Variants in CDH17 observed in about 807,000 individuals in gnomAD.
CDH17 encodes the protein cadherin-17.
Under a neutral mutation model 86.3 loss-of-function variants are expected in CDH17, and 67 were observed. That is an observed-to-expected ratio of 0.78 (90% CI 0.64 to 0.95). The LOEUF is 0.95. CDH17 is among the 40% of genes least tolerant of loss of function. The pLI is 0.00. For missense variants in CDH17, 993 were observed against 1,017.6 expected (o/e 0.98, Z 0.33); for synonymous variants, 367 against 366.4 (o/e 1.00, Z -0.02).
chr8:94,170,826 G>C, intron 8 of CDH17, 28 bp downstream of exon 8: 1 of 1,606,318 alleles, frequency 6.2e-7, no homozygotes, highest in Non-Finnish European at 8.5e-7. Context: ...TTGTCTTGTC[G>C]CCTGTGAAAC....
chr8:94,168,096 G>GAA (rs1215741282), intron 9 of CDH17, among the ~76,000 whole-genome samples: 1 of 68,376 alleles, frequency 1.5e-5, no homozygotes, highest in African/African-American at 7.4e-5. Flanking sequence ...ATACACTGGG[G>GAA]AATATATATA....
intron 3 of CDH17, among the ~76,000 whole-genome samples, chr8:94,182,774 C>G (rs756871854): frequency 9.2e-5 from 14 of 151,710 alleles, no homozygotes; most frequent in Non-Finnish European, 1.5e-4. Context: ...GGGAATTAGG[C>G]AAGAACAAGA....
At chr8:94,205,961 T>C (rs969130828) in intron 1 of CDH17, among the ~76,000 whole-genome samples, 1 of 152,196 alleles carries the variant, frequency 6.6e-6, no homozygotes, top group Non-Finnish European at 1.5e-5. Flanking sequence ...GGAACAAATC[T>C]ACCATTTCCA....
chr8:94,176,994 G>T (rs1418208588), intron 4 of CDH17, among the ~76,000 whole-genome samples: 1 of 152,182 alleles, frequency 6.6e-6, no homozygotes, highest in African/African-American at 2.4e-5. Context: ...CTCTTCCAGA[G>T]CCATTATGGC....
In CDH17 at chr8:94,165,933, T is replaced by C. The variant is rs1813143971; in HGVS notation, c.1110A>G (p.Glu370=). The C allele has an allele frequency of 6.2e-7, 1 of 1,613,830 alleles. No homozygotes were observed. The highest frequency in any genetic ancestry group is 1.3e-5 in the African/African-American group (1 of 74,916). Residue 370 remains glutamate, a synonymous_variant, in exon 10 of 18, where the codon GAA becomes GAG. Coordinates refer to ENST00000027335, the MANE Select transcript of CDH17 (RefSeq NM_004063.4). The stretch of plus-strand genomic sequence containing the variant: ...AGTTTAGAAAACTGTTGGCAGTATT[T>C]TCTTCATCCCTGTCATGTGCAGTAA... ...GTLTAHDRDE[E]NTANSFLNYR... is the part of the protein sequence containing the mutation.
At chr8:94,206,439 C>G (rs145822848) in intron 1 of CDH17, among the ~76,000 whole-genome samples, 43 of 152,294 alleles carry the variant, frequency 2.8e-4, no homozygotes, top group African/African-American at 1.0e-3. Flanking sequence ...CTATACATCT[C>G]TACCCATGTG....
intron 15 of CDH17, among the ~76,000 whole-genome samples, chr8:94,142,361 T>C (rs765371247): frequency 2.6e-5 from 4 of 152,230 alleles, no homozygotes; most frequent in Non-Finnish European, 5.9e-5. Context: ...CATACCTTAA[T>C]TTAAAAGTAC....
At chr8:94,133,907 G>GATA (rs1812469056) in intron 15 of CDH17, among the ~76,000 whole-genome samples, 1 of 152,302 alleles carries the variant, frequency 6.6e-6, no homozygotes, top group East Asian at 1.9e-4. Context: ...CATCTATTGA[G>GATA]ATAATCATGT....
chr8:94,132,854 G>A (rs1305835387), intron 15 of CDH17, among the ~76,000 whole-genome samples: 2 of 152,136 alleles, frequency 1.3e-5, no homozygotes, highest in African/African-American at 4.8e-5. Context: ...TAAGGTGTAA[G>A]GAATGGATCC....
chr8:94,189,866 AG>A (rs1440174694), intron 2 of CDH17, among the ~76,000 whole-genome samples: 1 of 152,256 alleles, frequency 6.6e-6, no homozygotes, highest in African/African-American at 2.4e-5. Flanking sequence ...CTTTAAGCAA[AG>A]CTTACTATTT....
intron 1 of CDH17, among the ~76,000 whole-genome samples, chr8:94,199,069 ATATATATATATATATTTTTT>A (rs1813848520): frequency 3.5e-5 from 1 of 28,832 alleles, no homozygotes; most frequent in African/African-American, 1.6e-4. Flanking sequence ...ATATATATAT[ATATATATATATATATTTTTT>A]TTTTTTTATC....
intron 9 of CDH17, 87 bp downstream of exon 9, chr8:94,170,310 C>T (rs934549999): frequency 7.2e-7 from 1 of 1,380,594 alleles, no homozygotes; most frequent in Non-Finnish European, 1.0e-6. Context: ...TTACTGACTC[C>T]CAGTAAGGTC....
chr8:94,216,711 T>G (rs751154336), intron 1 of CDH17, among the ~76,000 whole-genome samples: 7 of 152,160 alleles, frequency 4.6e-5, no homozygotes, highest in Non-Finnish European at 1.0e-4. Context: ...CACTTTATAC[T>G]AAAGAAAATC....
chr8:94,186,049 CA>C (rs1167806867), intron 3 of CDH17, among the ~76,000 whole-genome samples: 2 of 152,076 alleles, frequency 1.3e-5, no homozygotes, highest in African/African-American at 2.4e-5. Flanking sequence ...CCCCTAAGAG[CA>C]GTTGAGATAA....
chr8:94,164,379 A>G (rs976264955), intron 10 of CDH17, among the ~76,000 whole-genome samples: 3 of 152,198 alleles, frequency 2.0e-5, no homozygotes, highest in African/African-American at 7.2e-5. Flanking sequence ...AGAATCATCT[A>G]TGTCTCCCCA....
rs199972808 is a variant in CDH17, at chr8:94,174,275, G to T, written c.425-15C>A. Reference sequence around the variant, plus strand: ...GAAGGGCTTTCCTGTTTAACAAGACGTACCCAGAAAAAAAAAAAAAAAGAT... The same window carrying T: ...GAAGGGCTTTCCTGTTTAACAAGACTTACCCAGAAAAAAAAAAAAAAAGAT... On this transcript the variant is annotated splice_polypyrimidine_tract_variant and intron_variant, in intron 5 of 17. Coordinates refer to ENST00000027335, the MANE Select transcript of CDH17 (RefSeq NM_004063.4). The T allele has an allele frequency of 1.3e-6, 2 of 1,501,910 alleles. No homozygotes were observed. Among genetic ancestry groups the T allele is most frequent in the Admixed American group, 2.2e-5 (1 of 44,726 alleles). The allele number at this position is 1,501,910 out of a possible 1,614,324, so 93.0% of individuals were successfully genotyped here.
intron 15 of CDH17, among the ~76,000 whole-genome samples, chr8:94,138,682 T>C (rs994398014): frequency 5.9e-5 from 9 of 152,264 alleles, no homozygotes; most frequent in South Asian, 2.1e-4. Context: ...CTAAAAAGAT[T>C]AGAGAACACA....
intron 10 of CDH17, among the ~76,000 whole-genome samples, chr8:94,164,091 G>T (rs1351608824): frequency 6.6e-6 from 1 of 152,188 alleles, no homozygotes; most frequent in Non-Finnish European, 1.5e-5. Flanking sequence ...TAAACAATTT[G>T]TAATCTGATT....
At chr8:94,176,331 T>C (rs1813370217) in intron 5 of CDH17, among the ~76,000 whole-genome samples, 1 of 152,128 alleles carries the variant, frequency 6.6e-6, no homozygotes, top group Non-Finnish European at 1.5e-5. Context: ...AAAAAAGAAT[T>C]ATCAGACCCA....
Sources: gnomAD v4.1 joint callset for allele counts (sites outside exome capture counted in the v4.1 genomes callset) on GRCh38, gnomAD v4.1.1 for gene constraint, MANE v1.5 for transcripts, NCBI Gene and HGNC (gene_info 2026-07-23, HGNC 2026-07-21) for gene names.